Variants in NTNG1 observed in about 807,000 individuals in gnomAD.
The protein encoded by NTNG1 is netrin-G1.
A neutral mutation model predicts 54.0 loss-of-function variants in NTNG1; 16 were observed. The observed-to-expected ratio is 0.30, with a 90% CI of 0.20 to 0.45. NTNG1 has a LOEUF of 0.45. Ranked by LOEUF, NTNG1 falls within the 20% of genes least tolerant of loss-of-function variation. NTNG1 has a pLI of 1.00. For synonymous variants in NTNG1, 255 were observed against 263.1 expected, an observed-to-expected ratio of 0.97 and a Z score of 0.30; for missense variants, 530 against 678.7, an observed-to-expected ratio of 0.78 and a Z score of 2.43.
intron 2 of NTNG1, among the ~76,000 whole-genome samples, chr1:107,261,819 G>C (rs2101654147): frequency 6.6e-6 from 1 of 152,298 alleles, no homozygotes; most frequent in Admixed American, 6.5e-5. Context: ...CTCCAGCCTG[G>C]GCGACAGAGT....
chr1:107,253,474 C>T (rs1307050841), intron 2 of NTNG1, among the ~76,000 whole-genome samples: 3 of 152,146 alleles, frequency 2.0e-5, no homozygotes, highest in Non-Finnish European at 4.4e-5. Context: ...ACCCATTTTC[C>T]CCAGAAAATC....
At chr1:107,289,642 T>C (rs1407866626) in intron 2 of NTNG1, among the ~76,000 whole-genome samples, 3 of 152,138 alleles carry the variant, frequency 2.0e-5, no homozygotes, top group African/African-American at 7.2e-5. Context: ...CTAGTCCTTC[T>C]AGTCACCTCT....
At chr1:107,164,711 T>C (rs372960421) in intron 2 of NTNG1, among the ~76,000 whole-genome samples, 16 of 152,332 alleles carry the variant, frequency 1.1e-4, no homozygotes, top group African/African-American at 3.8e-4. Context: ...AATGCTAGAT[T>C]TGTGCAGTAA....
intron 2 of NTNG1, among the ~76,000 whole-genome samples, chr1:107,194,181 A>G (rs1658157246): frequency 6.6e-6 from 1 of 151,586 alleles, no homozygotes; most frequent in South Asian, 2.1e-4. Context: ...TCCTCCCTCT[A>G]CCTCCACCAT....
At chr1:107,344,484 C>T (rs1476027801) in intron 3 of NTNG1, among the ~76,000 whole-genome samples, 1 of 152,126 alleles carries the variant, frequency 6.6e-6, no homozygotes, top group Non-Finnish European at 1.5e-5. Context: ...GCTGCCTTCT[C>T]AGCAGAATCC....
chr1:107,154,920 A>G (rs916753712), intron 2 of NTNG1, among the ~76,000 whole-genome samples: 1 of 152,156 alleles, frequency 6.6e-6, no homozygotes, highest in African/African-American at 2.4e-5. Context: ...AACCGAATGC[A>G]GAGATGCAAC....
intron 3 of NTNG1, among the ~76,000 whole-genome samples, chr1:107,338,131 CTG>C (rs1668694967): frequency 6.6e-6 from 1 of 151,840 alleles, no homozygotes; most frequent in African/African-American, 2.4e-5. Flanking sequence ...GTGTTACCAT[CTG>C]TGCATAAAAT....
At chr1:107,454,089 A>G (rs1676786862) in intron 7 of NTNG1, among the ~76,000 whole-genome samples, 2 of 152,148 alleles carry the variant, frequency 1.3e-5, no homozygotes, top group South Asian at 4.1e-4. Context: ...CAGCCCAGCT[A>G]CAGGATCAGT....
intron 3 of NTNG1, among the ~76,000 whole-genome samples, chr1:107,349,852 G>C (rs918098593): frequency 6.6e-6 from 1 of 152,066 alleles, no homozygotes; most frequent in Non-Finnish European, 1.5e-5. Context: ...TATTTGGGTT[G>C]TTTTAAACTG....
intron 3 of NTNG1, among the ~76,000 whole-genome samples, chr1:107,332,443 G>A (rs1668337454): frequency 6.6e-6 from 1 of 152,094 alleles, no homozygotes; most frequent in Non-Finnish European, 1.5e-5. Flanking sequence ...TGTAAGGGAA[G>A]CTACATTCTA....
intron 2 of NTNG1, among the ~76,000 whole-genome samples, chr1:107,249,189 A>G (rs977383261): frequency 4.2e-5 from 5 of 120,176 alleles, no homozygotes; most frequent in Non-Finnish European, 7.9e-5. Context: ...ATAATTTAAA[A>G]GTTAGTTTGG....
intron 2 of NTNG1, among the ~76,000 whole-genome samples, chr1:107,307,624 C>T (rs1193026015): frequency 6.6e-6 from 1 of 152,212 alleles, no homozygotes; most frequent in East Asian, 1.9e-4. Context: ...ATAGGAAAGA[C>T]ATATTTCCCA....
At chr1:107,466,026 G>A in intron 7 of NTNG1, among the ~76,000 whole-genome samples, 1 of 151,812 alleles carries the variant, frequency 6.6e-6, no homozygotes, top group East Asian at 1.9e-4. Context: ...ATGTTGTGGA[G>A]TAAAAGCACA....
At chr1:107,449,139 A>ACTTT (rs142243476) in intron 7 of NTNG1, among the ~76,000 whole-genome samples, 19,614 of 151,820 alleles carry the variant, frequency 0.13, 1,382 homozygotes, top group Middle Eastern at 0.22. Flanking sequence ...TTGTTGAAAA[A>ACTTT]CTTTCTTTCT....
chr1:107,365,044 C>T (rs867948900), intron 3 of NTNG1, among the ~76,000 whole-genome samples: 11 of 152,054 alleles, frequency 7.2e-5, no homozygotes, highest in Non-Finnish European at 1.3e-4. Context: ...AAATTAAATA[C>T]CTTGTTAAAA....
intron 2 of NTNG1, among the ~76,000 whole-genome samples, chr1:107,304,882 C>T (rs1666579092): frequency 6.6e-6 from 1 of 152,148 alleles, no homozygotes; most frequent in Non-Finnish European, 1.5e-5. Flanking sequence ...CTATCCCTCC[C>T]CTAGCCCTGC....
chr1:107,334,066 A>C (rs1668436653), intron 3 of NTNG1: 1 of 152,004 alleles, frequency 6.6e-6, no homozygotes, highest in African/African-American at 2.4e-5. Flanking sequence ...TTCCTCCCAT[A>C]TGTAAGTGCC....
At chr1:107,448,512 C>A (rs920175804) in intron 7 of NTNG1, among the ~76,000 whole-genome samples, 1 of 152,064 alleles carries the variant, frequency 6.6e-6, no homozygotes, top group Non-Finnish European at 1.5e-5. Context: ...CATAGACCCA[C>A]CTGCAGACTT....
chr1:107,390,136 T>C (rs1672275929), intron 3 of NTNG1, among the ~76,000 whole-genome samples: 1 of 152,174 alleles, frequency 6.6e-6, no homozygotes, highest in Admixed American at 6.5e-5. Flanking sequence ...GGGAGTCCTC[T>C]CCAAACAAAG....
Sources: gnomAD v4.1 joint callset for allele counts (sites outside exome capture counted in the v4.1 genomes callset) on GRCh38, gnomAD v4.1.1 for gene constraint, MANE v1.5 for transcripts, NCBI Gene and HGNC (gene_info 2026-07-23, HGNC 2026-07-21) for gene names.